The following AKAIN1 variants were observed in gnomAD, a reference collection of about 807,000 sequenced individuals.
The protein encoded by AKAIN1 is A-kinase anchor inhibitor 1.
Under a neutral mutation model 3.7 loss-of-function variants are expected in AKAIN1, and 3 were observed. The ratio of observed to expected loss-of-function variants is 0.82; its 90% CI spans 0.37 to 2.12. The LOEUF is 2.12. Ranked by LOEUF, AKAIN1 falls within the 30% of genes most tolerant of loss-of-function variation. The probability of loss-of-function intolerance (pLI) is 0.06; values close to 1 mark genes in which losing one functional copy is unlikely to be tolerated. For synonymous variants in AKAIN1, 31 were observed against 30.8 expected, an observed-to-expected ratio of 1.01 and a Z score of -0.02; for missense variants, 82 against 82.7, an observed-to-expected ratio of 0.99 and a Z score of 0.03.
chr18:5,146,796 A>C (rs1022802390), intron 1 of AKAIN1, among the ~76,000 whole-genome samples: 4 of 152,170 alleles, frequency 2.6e-5, no homozygotes, highest in Non-Finnish European at 1.5e-5. Context: ...TCAGCTATGG[A>C]TGAGTGCATA....
chr18:5,158,991 C>A (rs1002040584), intron 1 of AKAIN1, among the ~76,000 whole-genome samples: 2 of 152,118 alleles, frequency 1.3e-5, no homozygotes, highest in Admixed American at 1.3e-4. Flanking sequence ...ATACAAAAAT[C>A]TTGCTCCAGC....
At chr18:5,182,539 CTA>C (rs1239923497) in intron 1 of AKAIN1, among the ~76,000 whole-genome samples, 2 of 152,080 alleles carry the variant, frequency 1.3e-5, no homozygotes. Context: ...GAACCCTGAC[CTA>C]TGTGTCCCCA....
chr18:5,154,367 T>C (rs545395524), intron 1 of AKAIN1, among the ~76,000 whole-genome samples: 1 of 152,290 alleles, frequency 6.6e-6, no homozygotes, highest in Admixed American at 6.5e-5. Flanking sequence ...CAAGACTGTG[T>C]TATGAGTTCA....
intron 1 of AKAIN1, among the ~76,000 whole-genome samples, chr18:5,148,912 C>A (rs1342009412): frequency 6.6e-6 from 1 of 151,930 alleles, no homozygotes; most frequent in Non-Finnish European, 1.5e-5. Flanking sequence ...GGTTCTAATG[C>A]TAAAACAAAT....
chr18:5,196,215 G>T (rs1254505377), intron 1 of AKAIN1, among the ~76,000 whole-genome samples: 1 of 152,216 alleles, frequency 6.6e-6, no homozygotes. Flanking sequence ...GCGTGAGAGA[G>T]AAATACTTTG....
rs1339994090 is a variant in AKAIN1 at position 5,143,038 on chromosome 18, G to A, written c.*2524C>T. On this transcript the variant is annotated 3_prime_UTR_variant, in exon 2 of 2. Transcript: ENST00000434239. Reference sequence around the variant, plus strand: ...GAAGACGAACAGCTGAACACACAGAGATGGGAAGCCTGTGTATGCAGTAAA... The same window carrying A: ...GAAGACGAACAGCTGAACACACAGAAATGGGAAGCCTGTGTATGCAGTAAA... Among the ~76,000 whole-genome samples, 1 of 152,160 alleles carries A rather than the reference G, an allele frequency of 6.6e-6. No individual in the cohort carries two copies. Among genetic ancestry groups the A allele is most frequent in the Non-Finnish European group, 1.5e-5 (1 of 68,022 alleles).
chr18:5,197,563 G>A (rs1245940930), upstream of AKAIN1: 1 of 1,076,386 alleles, frequency 9.3e-7, no homozygotes, highest in African/African-American at 1.6e-5. This position sits in a 1 kb window ranked among gnomAD's most constrained non-coding sequence, Gnocchi z 6.9. Flanking sequence ...AGTTCTCCGA[G>A]TTGGGCTGGC....
intron 1 of AKAIN1, among the ~76,000 whole-genome samples, chr18:5,167,254 G>A (rs113396463): frequency 0.018 from 2,695 of 152,106 alleles, 83 homozygotes; most frequent in African/African-American, 0.061. Context: ...ACTGCAGATA[G>A]GGAGAAGGGA....
At chr18:5,168,321 T>C (rs910200976) in intron 1 of AKAIN1, among the ~76,000 whole-genome samples, 5 of 152,112 alleles carry the variant, frequency 3.3e-5, no homozygotes, top group African/African-American at 1.2e-4. Flanking sequence ...GTAACCTTTC[T>C]TAATAACCAG....
At chr18:5,163,187 AAAG>A (rs1244101181) in intron 1 of AKAIN1, among the ~76,000 whole-genome samples, 1,754 of 152,160 alleles carry the variant, frequency 0.012, 31 homozygotes, top group African/African-American at 0.037. Context: ...AAGCAGTCCC[AAAG>A]TGCAAGTCCC....
intron 1 of AKAIN1, among the ~76,000 whole-genome samples, chr18:5,157,833 T>C (rs2071116927): frequency 2.0e-5 from 3 of 152,074 alleles, no homozygotes; most frequent in Non-Finnish European, 4.4e-5. Context: ...TACAGGTGCA[T>C]GCTACGACCA....
intron 1 of AKAIN1, among the ~76,000 whole-genome samples, chr18:5,183,863 T>C (rs292265): frequency 0.022 from 3,274 of 152,180 alleles, 129 homozygotes; most frequent in African/African-American, 0.075. Flanking sequence ...ATGCTGTTGA[T>C]TCATTAACAT....
chr18:5,161,197 ATCTC>A (rs1834975417), intron 1 of AKAIN1, among the ~76,000 whole-genome samples: 3 of 152,130 alleles, frequency 2.0e-5, no homozygotes, highest in South Asian at 2.1e-4. Context: ...TCCATAGTGT[ATCTC>A]TCTATTTATT....
rs2071352257 is a variant in AKAIN1, at chr18:5,197,042, A to G, written c.12T>C (p.Ala4=). 1 of 1,550,838 alleles carries G rather than the reference A, an allele frequency of 6.4e-7. No homozygotes were observed. Among genetic ancestry groups the G allele is most frequent in the South Asian group, 1.2e-5 (1 of 84,032 alleles). MVF[A]PGEKPGNEPE... ...AAAAAGCAAGGTGCGGTGTACCTGG[A>G]GCGAACACCATGATTTCTTCCAGCC... Residue 4 remains alanine, a synonymous_variant, in exon 1 of 2, where the codon GCT becomes GCC. Coordinates refer to ENST00000434239, the MANE Select transcript of AKAIN1 (RefSeq NM_001145194.2). The surrounding 1 kb of genome is among the most constrained non-coding windows in gnomAD (Gnocchi z 6.9).
Position 5,144,261 on chromosome 18 carries a change from A to G in AKAIN1, c.*1301T>C, listed in dbSNP as rs938967726. On this transcript the variant is annotated 3_prime_UTR_variant, in exon 2 of 2. Coordinates refer to ENST00000434239, the MANE Select transcript of AKAIN1 (RefSeq NM_001145194.2). ...GAAGTATATCTTAATATCAGTCACA[A>G]TTTATACCCGAATACTTTGCTTTAA... Among the ~76,000 whole-genome samples, 6 of 152,328 alleles carry G rather than the reference A, an allele frequency of 3.9e-5. No homozygotes were observed. In the East Asian group the frequency reaches 1.2e-3, roughly 29 times the overall value.
At chr18:5,182,145 A>G (rs575364396) in intron 1 of AKAIN1, among the ~76,000 whole-genome samples, 27 of 152,284 alleles carry the variant, frequency 1.8e-4, no homozygotes, top group African/African-American at 6.0e-4. Flanking sequence ...GCACTCAGAC[A>G]TCTGCTTTAT....
In AKAIN1 at chr18:5,149,447, G is replaced by A. The variant is rs117205922; in HGVS notation, c.17-3692C>T. Among the ~76,000 whole-genome samples, 468 of 152,254 alleles carry A rather than the reference G, an allele frequency of 3.1e-3. 2 individuals carry two copies. The highest frequency in any genetic ancestry group is 4.6e-3 in the Admixed American group (71 of 15,278). On this transcript the variant is annotated intron_variant, in intron 1 of 1. Coordinates refer to ENST00000434239, the MANE Select transcript of AKAIN1 (RefSeq NM_001145194.2). ...TGTCGTAGCCAAGTGTCCAGGAACC[G>A]TTCAGCTGAGCTTCATATTACAACT... is the stretch of plus-strand genomic sequence containing the variant.
At chr18:5,154,573 A>G (rs1168755200) in intron 1 of AKAIN1, among the ~76,000 whole-genome samples, 1 of 152,022 alleles carries the variant, frequency 6.6e-6, no homozygotes, top group Non-Finnish European at 1.5e-5. Flanking sequence ...GCCTCCCCCA[A>G]CCAACTGACC....
chr18:5,161,783 C>T (rs116502312), intron 1 of AKAIN1, among the ~76,000 whole-genome samples: 1,743 of 152,150 alleles, frequency 0.011, 31 homozygotes, highest in African/African-American at 0.037. Context: ...CTGAGATAAA[C>T]GTATTATTTA....
Sources: allele counts gnomAD v4.1 joint callset (sites outside exome capture counted in the v4.1 genomes callset), GRCh38; gene constraint gnomAD v4.1.1; non-coding constraint Gnocchi (gnomAD v3.1); transcripts MANE v1.5; gene names NCBI Gene and HGNC (gene_info 2026-07-23, HGNC 2026-07-21).